The following ZNF366 variants were observed in gnomAD, a reference collection of about 807,000 sequenced individuals.
ZNF366 encodes the protein dendritic cell-specific transcript protein.
ZNF366 carries 20 observed loss-of-function variants against 47.2 expected under a neutral mutation model. The ratio of observed to expected loss-of-function variants is 0.42; its 90% confidence interval spans 0.30 to 0.62. ZNF366 has a LOEUF of 0.62. ZNF366 is among the 20% of genes least tolerant of loss of function. The pLI is 0.16. For synonymous variants in ZNF366, 421 were observed against 395.1 expected, an observed-to-expected ratio of 1.07 and a Z score of -0.78; for missense variants, 987 against 976.3, an observed-to-expected ratio of 1.01 and a Z score of -0.15.
Position 72,443,973 on chromosome 5 carries a change from C to T in ZNF366, c.2018G>A (p.Gly673Glu). 4 of 1,614,204 alleles carry T rather than the reference C, an allele frequency of 2.5e-6. No individual in the cohort carries two copies. Among genetic ancestry groups the T allele is most frequent in the Non-Finnish European group, 3.4e-6 (4 of 1,180,022 alleles). The part of the protein sequence containing the change: ...CKEEKEDASK[G>E]EWEKRSKGDL... Reference sequence around the variant, plus strand: ...ACCCTTGCTCCTCTTCTCCCATTCTCCCTTGGATGCATCCTCCTTCTCCTC... The same window carrying T: ...ACCCTTGCTCCTCTTCTCCCATTCTTCCTTGGATGCATCCTCCTTCTCCTC... Residue 673 changes from glycine to glutamate, a missense_variant, in exon 5 of 5, where the codon GGA (glycine) becomes GAA (glutamate). Gly to Glu is a moderately conservative substitution (Grantham distance 98, BLOSUM62 -2). Transcript: ENST00000318442.
At chr5:72,484,495 A>AAAAAAAAAAATAATAAT (rs1313925109) in intron 1 of ZNF366, among the ~76,000 whole-genome samples, 2 of 145,824 alleles carry the variant, frequency 1.4e-5, no homozygotes, top group Admixed American at 6.7e-5. Flanking sequence ...AAAAAAAAAA[A>AAAAAAAAAAATAATAAT]AATAATAATA....
rs984143191 is a variant in ZNF366, at chr5:72,441,993, A to T, written c.*1763T>A. On this transcript the variant is annotated 3_prime_UTR_variant, in exon 5 of 5. Coordinates refer to ENST00000318442, the MANE Select transcript of ZNF366 (RefSeq NM_152625.3). Reference sequence around the variant, plus strand: ...AATAGAGTCATTTCCACTCACTGGCATCATGGTTCAAGCATCTGGGAAGAA... The same window carrying T: ...AATAGAGTCATTTCCACTCACTGGCTTCATGGTTCAAGCATCTGGGAAGAA... 1 of 152,220 alleles carries T rather than the reference A, an allele frequency of 6.6e-6. No individual in the cohort carries two copies. Among genetic ancestry groups the T allele is most frequent in the Admixed American group, 6.5e-5 (1 of 15,280 alleles). 9.4% of individuals were successfully genotyped at this position (152,220 alleles called of 1,614,324 possible). A position where few individuals can be genotyped will look rare whatever the true frequency, so the allele number is the denominator to read the frequency against.
At chr5:72,454,002 G>A (rs962472187) in intron 3 of ZNF366, among the ~76,000 whole-genome samples, 4 of 152,198 alleles carry the variant, frequency 2.6e-5, no homozygotes, top group African/African-American at 9.7e-5. Context: ...AGCAACCTTT[G>A]CAAATGACCA....
At chr5:72,488,592 G>A (rs916669555) in intron 1 of ZNF366, among the ~76,000 whole-genome samples, 1 of 152,162 alleles carries the variant, frequency 6.6e-6, no homozygotes, top group Non-Finnish European at 1.5e-5. Context: ...ATTTCACATC[G>A]AATGTGTTGA....
chr5:72,470,792 C>T (rs1285007103), intron 1 of ZNF366, among the ~76,000 whole-genome samples: 1 of 152,210 alleles, frequency 6.6e-6, no homozygotes, highest in African/African-American at 2.4e-5. Context: ...CTGCCAAGAA[C>T]ATCTCCCATG....
rs1444950614 is a variant in ZNF366 at position 72,460,521 on chromosome 5, G to C, written c.976C>G (p.Arg326Gly). 1.9e-6 allele frequency: 3 copies of C among 1,614,050 alleles called. No individual in the cohort carries two copies. The highest frequency in any genetic ancestry group is 3.3e-5 in the Admixed American group (2 of 60,026). Residue 326 changes from arginine to glycine, a missense_variant, in exon 2 of 5, where the codon CGC becomes GGC. This residue lies in a region of ZNF366 where 591 missense variants were observed against 560.9 expected (regional missense o/e 1.05). Transcript: ENST00000318442. ...ACCTCGCTGTGCTGCATCATGTGGC[G>C]CTTCAGGTGGCTGGTCTGGGTGAAG... ...KAFTQTSHLK[R>G]HMMQHSEVKP...
chr5:72,506,041 G>A (rs1375951301), intron 1 of ZNF366, among the ~76,000 whole-genome samples: 1 of 152,190 alleles, frequency 6.6e-6, no homozygotes, highest in Non-Finnish European at 1.5e-5. Flanking sequence ...TAAGATGATG[G>A]TTCAATTTTG....
At chr5:72,482,841 A>C (rs1251192162) in intron 1 of ZNF366, among the ~76,000 whole-genome samples, 2 of 151,162 alleles carry the variant, frequency 1.3e-5, no homozygotes, top group Non-Finnish European at 2.9e-5. Flanking sequence ...AAAATCTGGC[A>C]CTGTATTGCC....
At position 72,440,959 on chromosome 5, in the gene ZNF366, A is replaced by G. The variant is rs1046695551; in HGVS notation, c.*2797T>C. ...CTCCTAGACCTTTTTACTGCCTCCA[A>G]ATAAAATTTTACTTAGAATGCTAAT... On this transcript the variant is annotated 3_prime_UTR_variant, in exon 5 of 5. Transcript: ENST00000318442. 5.9e-5 allele frequency: 9 copies of G among 152,150 alleles called. No homozygotes were observed. The highest frequency in any genetic ancestry group is 3.3e-4 in the Admixed American group (5 of 15,276). 9.4% of individuals were successfully genotyped at this position (152,150 alleles called of 1,614,324 possible).
At chr5:72,462,208 A>T (rs1204330289) in intron 1 of ZNF366, among the ~76,000 whole-genome samples, 2 of 152,198 alleles carry the variant, frequency 1.3e-5, no homozygotes, top group African/African-American at 4.8e-5. Flanking sequence ...TGATTTTAAA[A>T]AGCATATTGA....
At chr5:72,449,248 G>T (rs1365557525) in intron 3 of ZNF366, among the ~76,000 whole-genome samples, 3 of 144,124 alleles carry the variant, frequency 2.1e-5, no homozygotes, top group East Asian at 2.0e-4. Context: ...TGGCTGAAAG[G>T]TTTTTTTTTT....
rs1580237810 is a variant in ZNF366 at position 72,461,007 on chromosome 5, G to T, written c.490C>A (p.Pro164Thr). The T allele has an allele frequency of 6.2e-7, 1 of 1,614,088 alleles. No individual in the cohort carries two copies. The highest frequency in any genetic ancestry group is 1.1e-5 in the South Asian group (1 of 91,080). The change falls in exon 2 of 5, where the codon CCA (proline) becomes ACA (threonine). Residue 164 changes from proline (P) to threonine (T), a missense_variant. By Grantham distance (38) the Pro-to-Thr change is conservative. Transcript: ENST00000318442. ...GTGGGCAGGAATGGAGTGGGCGTTG[G>T]CTGGGGCCACACGGCGCTGGGCTTA... ...PIKPSAVWPQ[P>T]TPTPFLPTPY... is the part of the protein sequence containing the mutation.
chr5:72,488,425 T>A (rs531706515), intron 1 of ZNF366, among the ~76,000 whole-genome samples: 1 of 152,130 alleles, frequency 6.6e-6, no homozygotes, highest in African/African-American at 2.4e-5. Flanking sequence ...ATTATGAACA[T>A]CCAACAGGCA....
intron 1 of ZNF366, among the ~76,000 whole-genome samples, chr5:72,499,265 G>C (rs1206469707): frequency 6.6e-6 from 1 of 152,224 alleles, no homozygotes; most frequent in African/African-American, 2.4e-5. Flanking sequence ...GAGGGCTGCA[G>C]ACCATGTTGG....
rs1328327747 is a variant in ZNF366, at chr5:72,440,709, G to T, written c.*3047C>A. 1 of 152,154 alleles carries T rather than the reference G, an allele frequency of 6.6e-6. No homozygotes were observed. The highest frequency in any genetic ancestry group is 2.1e-4 in the South Asian group (1 of 4,824). 9.4% of individuals were successfully genotyped at this position (152,154 alleles called of 1,614,324 possible). ...AACTGGAATACTTTTGAGAATTAAG[G>T]TGACACTTGAATAATTATCCTGGGA... On this transcript the variant is annotated 3_prime_UTR_variant, in exon 5 of 5. Transcript: ENST00000318442.
chr5:72,444,331 G>A (rs772248560), intron 4 of ZNF366, 40 bp from the exon 5 acceptor site: 10 of 1,565,022 alleles, frequency 6.4e-6, no homozygotes, highest in South Asian at 1.2e-5. Flanking sequence ...CTGAGGAAAT[G>A]CTGTGGAAAT....
intron 1 of ZNF366, among the ~76,000 whole-genome samples, chr5:72,472,850 A>G (rs1475968524): frequency 1.3e-5 from 2 of 152,174 alleles, no homozygotes; most frequent in African/African-American, 2.4e-5. Flanking sequence ...TGAAAAGTCC[A>G]GTCCTATTTG....
In ZNF366 at chr5:72,476,001, C is replaced by G. The variant is rs149164393; in HGVS notation, c.-14-14491G>C. 2.8e-4 allele frequency among the ~76,000 whole-genome samples: 42 copies of G among 152,286 alleles called. No homozygotes were observed. In the East Asian group the frequency reaches 7.1e-3, roughly 26 times the overall value. On this transcript the variant is annotated intron_variant, in intron 1 of 4. Coordinates refer to ENST00000318442, the MANE Select transcript of ZNF366 (RefSeq NM_152625.3). ...CCATAACAATGATGCCCTGACCACT[C>G]TAAAGTTACAAATCTCTGCATCCCT... is the stretch of plus-strand genomic sequence containing the variant.
intron 1 of ZNF366, among the ~76,000 whole-genome samples, chr5:72,463,927 T>A (rs551291641): frequency 9.7e-4 from 147 of 152,256 alleles, no homozygotes; most frequent in Non-Finnish European, 6.8e-4. Flanking sequence ...AAATGGAAGA[T>A]CCTTTCCCTA....
Sources: gnomAD v4.1 joint callset for allele counts (sites outside exome capture counted in the v4.1 genomes callset) on GRCh38, gnomAD v4.1.1 for gene constraint, gnomAD v4.1.1 regional missense constraint, MANE v1.5 for transcripts, NCBI Gene and HGNC (gene_info 2026-07-23, HGNC 2026-07-21) for gene names.